Variants in TRPC3 observed in about 807,000 individuals in gnomAD.
The protein encoded by TRPC3 is transient receptor potential cation channel subfamily C member 3.
In TRPC3, 54 loss-of-function variants were observed where a neutral mutation model predicts 90.9. That is an observed-to-expected ratio of 0.59 (90% CI 0.48 to 0.75). The LOEUF (loss-of-function observed/expected upper bound fraction) is 0.75. Among genes scored for constraint, TRPC3 ranks in the 30% least tolerant of loss-of-function variants. TRPC3 has a pLI of 0.00. For missense variants in TRPC3, 918 were observed against 1,194.5 expected, an observed-to-expected ratio of 0.77 and a Z score of 3.41; for synonymous variants, 424 against 450.9, an observed-to-expected ratio of 0.94 and a Z score of 0.75.
intron 1 of TRPC3, chr4:121,933,282 C>G (rs1730018631): frequency 4.5e-6 from 3 of 672,754 alleles, no homozygotes; most frequent in Non-Finnish European, 6.3e-6. Flanking sequence ...CTCCTATTCT[C>G]TAGAAAATGA....
chr4:121,878,488 T>C lies in TRPC3; in HGVS notation c.*1248A>G, dbSNP rs1727834564. Among the ~76,000 whole-genome samples, 2 of 152,160 alleles carry C rather than the reference T, an allele frequency of 1.3e-5. No homozygotes were observed. Among genetic ancestry groups the C allele is most frequent in the Admixed American group, 6.5e-5 (1 of 15,278 alleles). On this transcript the variant is annotated 3_prime_UTR_variant, in exon 12 of 12. Coordinates refer to ENST00000379645, the MANE Select transcript of TRPC3 (RefSeq NM_001130698.2). The stretch of plus-strand genomic sequence containing the variant: ...TGTTAAACATAACTCTATGAGAGAT[T>C]TAAACCTAGCTGGTTAAAAAATGCT...
At chr4:121,910,413 A>T in intron 5 of TRPC3, 26 bp from the exon 6 acceptor site, 1 of 1,599,220 alleles carries the variant, frequency 6.3e-7, no homozygotes, top group South Asian at 1.1e-5. Context: ...CAGAGGGTGC[A>T]GGTCAGATTT....
At chr4:121,901,663 T>C (rs891177311) in intron 9 of TRPC3, among the ~76,000 whole-genome samples, 1 of 152,016 alleles carries the variant, frequency 6.6e-6, no homozygotes, top group Non-Finnish European at 1.5e-5. Context: ...TCTCATGTAA[T>C]CCTCACAACA....
rs369663401 is a variant in TRPC3, at chr4:121,874,621, G to A, written c.*5115C>T. Among the ~76,000 whole-genome samples, 63 of 152,262 alleles carry A rather than the reference G, an allele frequency of 4.1e-4. No individual in the cohort carries two copies. Among genetic ancestry groups the A allele is most frequent in the African/African-American group, 1.3e-3 (55 of 41,546 alleles). On this transcript the variant is annotated 3_prime_UTR_variant, in exon 12 of 12. Coordinates refer to ENST00000379645, the MANE Select transcript of TRPC3 (RefSeq NM_001130698.2). ...ATCGTCATCTTCTCCGTGTCTTCAC[G>A]TGGTCCTCCCTCTATGTCTGTCTGT...
At chr4:121,943,437 T>C (rs1384248195) in intron 1 of TRPC3, among the ~76,000 whole-genome samples, 1 of 152,190 alleles carries the variant, frequency 6.6e-6, no homozygotes, top group Non-Finnish European at 1.5e-5. Flanking sequence ...TTTACATAGT[T>C]ATATTTTATC....
At chr4:121,917,926 T>A (rs531455642) in intron 3 of TRPC3, among the ~76,000 whole-genome samples, 1 of 152,324 alleles carries the variant, frequency 6.6e-6, no homozygotes, top group South Asian at 2.1e-4. Flanking sequence ...AAGAGACAGG[T>A]GGGCATGTGT....
At chr4:121,933,224 C>T in intron 1 of TRPC3, 182 bp from the exon 2 acceptor site, 1 of 1,263,640 alleles carries the variant, frequency 7.9e-7, no homozygotes, top group Non-Finnish European at 1.0e-6. Flanking sequence ...TGATCTAACC[C>T]TGGCTGCTAG....
At position 121,874,699 on chromosome 4, in the gene TRPC3, TA is replaced by T. The variant is rs1180482020; in HGVS notation, c.*5036del. Among the ~76,000 whole-genome samples, 1 of 152,238 alleles carries T rather than the reference TA, an allele frequency of 6.6e-6. No individual in the cohort carries two copies. The highest frequency in any genetic ancestry group is 1.5e-5 in the Non-Finnish European group (1 of 68,040). The stretch of plus-strand genomic sequence containing the variant: ...CCAGTCATATTATCTCATTTTAAAT[TA>T]ATTACCTCTTTAAAGACCCTATCTC... On this transcript the variant is annotated 3_prime_UTR_variant, in exon 12 of 12. Coordinates refer to ENST00000379645, the MANE Select transcript of TRPC3 (RefSeq NM_001130698.2).
chr4:121,919,943 G>A (rs1321867169), intron 3 of TRPC3, among the ~76,000 whole-genome samples: 1 of 152,136 alleles, frequency 6.6e-6, no homozygotes, highest in African/African-American at 2.4e-5. Context: ...TATTTCTATG[G>A]TGGGGAGTGG....
intron 10 of TRPC3, among the ~76,000 whole-genome samples, chr4:121,888,792 T>G (rs924313341): frequency 1.3e-5 from 2 of 152,214 alleles, no homozygotes; most frequent in African/African-American, 4.8e-5. Flanking sequence ...TTATTATTAC[T>G]CATTGTTATG....
rs927836281 is a variant in TRPC3 at position 121,875,351 on chromosome 4, A to G, written c.*4385T>C. ...GGAATTCTTTGATTTTGCATCTAAA[A>G]ATGCAATTTATTATTTTTAAAGTAC... is the stretch of plus-strand genomic sequence containing the variant. On this transcript the variant is annotated 3_prime_UTR_variant, in exon 12 of 12. Transcript: ENST00000379645. Among the ~76,000 whole-genome samples the G allele has an allele frequency of 6.6e-6, 1 of 152,250 alleles. No individual in the cohort carries two copies. The highest frequency in any genetic ancestry group is 6.5e-5 in the Admixed American group (1 of 15,286).
At chr4:121,935,419 GGT>G (rs34252770) in intron 1 of TRPC3, among the ~76,000 whole-genome samples, 7,805 of 147,146 alleles carry the variant, frequency 0.053, 236 homozygotes, top group Non-Finnish European at 0.071. Flanking sequence ...ACATGTGTGG[GGT>G]GTGTGTGTGT....
Position 121,915,052 on chromosome 4 carries a change from A to AT in TRPC3, c.1177-109dup, listed in dbSNP as rs890920948. The AT allele has an allele frequency of 8.3e-6, 8 of 967,516 alleles. No individual in the cohort carries two copies. The Admixed American group carries it at 9.0e-5, about 11-fold the overall frequency. 59.9% of individuals were successfully genotyped at this position (967,516 alleles called of 1,614,324 possible). On this transcript the variant is annotated intron_variant, in intron 3 of 11. Coordinates refer to ENST00000379645, the MANE Select transcript of TRPC3 (RefSeq NM_001130698.2). Reference sequence around the variant, plus strand: ...ATGCATCCTAAAGATATTAAAGCATATTTTTTCTAGCATATTGGTACTGGA... The same window carrying AT: ...ATGCATCCTAAAGATATTAAAGCATATTTTTTTCTAGCATATTGGTACTGGA...
intron 10 of TRPC3, among the ~76,000 whole-genome samples, chr4:121,885,146 G>C (rs144429477): frequency 2.0e-5 from 3 of 152,112 alleles, no homozygotes; most frequent in Non-Finnish European, 4.4e-5. Flanking sequence ...AATCAGTTTC[G>C]CCACACATGA....
At chr4:121,910,619 G>A (rs1189929967) in intron 5 of TRPC3, among the ~76,000 whole-genome samples, 3 of 152,072 alleles carry the variant, frequency 2.0e-5, no homozygotes, top group Non-Finnish European at 2.9e-5. Context: ...TTGGAGAAGC[G>A]GTCCACATGT....
intron 10 of TRPC3, 43 bp from the exon 11 acceptor site, chr4:121,882,472 T>G (rs199611344): frequency 1.3e-6 from 2 of 1,571,500 alleles, no homozygotes; most frequent in African/African-American, 1.4e-5. Context: ...ATGATATACA[T>G]AAGTGCCCCA....
chr4:121,890,413 A>T (rs965022922), intron 10 of TRPC3, among the ~76,000 whole-genome samples: 17 of 152,220 alleles, frequency 1.1e-4, no homozygotes, highest in Non-Finnish European at 1.2e-4. Context: ...CATGTATTGA[A>T]ATATCACACT....
At chr4:121,930,743 A>C (rs1459024035) in intron 2 of TRPC3, 7 of 346,096 alleles carry the variant, frequency 2.0e-5, no homozygotes, top group Non-Finnish European at 3.9e-5. Flanking sequence ...GTTTCAAAAC[A>C]ACAAAGTGAT....
At chr4:121,881,482 T>C (rs1183973610) in intron 11 of TRPC3, among the ~76,000 whole-genome samples, 1 of 152,182 alleles carries the variant, frequency 6.6e-6, no homozygotes, top group African/African-American at 2.4e-5. Flanking sequence ...CTGAGACAGA[T>C]TGATTAGGTC....
Sources: gnomAD v4.1 joint callset for allele counts (sites outside exome capture counted in the v4.1 genomes callset) on GRCh38, gnomAD v4.1.1 for gene constraint, MANE v1.5 for transcripts, NCBI Gene and HGNC (gene_info 2026-07-23, HGNC 2026-07-21) for gene names.